The following CDH20 variants were observed in gnomAD, a reference collection of about 807,000 sequenced individuals.
The protein encoded by CDH20 is cadherin 20, also known as cadherin-20.
Under a neutral mutation model 74.2 loss-of-function variants are expected in CDH20, and 29 were observed. The ratio of observed to expected loss-of-function variants is 0.39; its 90% CI spans 0.29 to 0.53. CDH20 has a LOEUF of 0.53. CDH20 is among the 20% of genes least tolerant of loss of function. The pLI, the probability that CDH20 is intolerant of heterozygous loss-of-function variation, is 0.69. For missense variants in CDH20, 988 were observed against 1,048.3 expected, an observed-to-expected ratio of 0.94 and a Z score of 0.79; for synonymous variants, 469 against 405.4, an observed-to-expected ratio of 1.16 and a Z score of -1.88.
At chr18:61,476,095 G>A (rs182777190) in intron 1 of CDH20, among the ~76,000 whole-genome samples, 170 of 152,084 alleles carry the variant, frequency 1.1e-3, no homozygotes, top group African/African-American at 3.7e-3. Flanking sequence ...CTCCCACCCC[G>A]CAGGCTCTTC....
chr18:61,384,882 G>C (rs765032381), intron 1 of CDH20, among the ~76,000 whole-genome samples: 1 of 151,892 alleles, frequency 6.6e-6, no homozygotes, highest in Non-Finnish European at 1.5e-5. Flanking sequence ...ATAAATACAG[G>C]GAATTTCACA....
At chr18:61,457,231 A>G (rs1909601162) in intron 1 of CDH20, among the ~76,000 whole-genome samples, 1 of 152,114 alleles carries the variant, frequency 6.6e-6, no homozygotes, top group Non-Finnish European at 1.5e-5. Context: ...ATAGTTTAAT[A>G]AAATGAGCTC....
chr18:61,383,431 A>G (rs1911499208), intron 1 of CDH20, among the ~76,000 whole-genome samples: 2 of 151,898 alleles, frequency 1.3e-5, no homozygotes, highest in Non-Finnish European at 2.9e-5. Flanking sequence ...AAATACAAAA[A>G]TTAGCCAGGC....
At chr18:61,430,560 C>T (rs575807269) in intron 1 of CDH20, among the ~76,000 whole-genome samples, 1 of 152,106 alleles carries the variant, frequency 6.6e-6, no homozygotes, top group South Asian at 2.1e-4. Context: ...CTCCACATCT[C>T]TGAAAGCAAA....
At chr18:61,448,454 G>A (rs1909271642) in intron 1 of CDH20, among the ~76,000 whole-genome samples, 1 of 152,206 alleles carries the variant, frequency 6.6e-6, no homozygotes, top group South Asian at 2.1e-4. Context: ...CTCACCAGGT[G>A]ATATAGAAAG....
rs1555683442 is a variant in CDH20, at chr18:61,528,240, C to T, written c.1271+20C>T. The T allele has an allele frequency of 1.9e-5, 30 of 1,610,574 alleles. No homozygotes were observed. Among genetic ancestry groups the T allele is most frequent in the Admixed American group, 5.0e-5 (3 of 59,872 alleles). On this transcript the variant is annotated intron_variant, in intron 7 of 11. Coordinates refer to ENST00000262717, the MANE Select transcript of CDH20 (RefSeq NM_031891.4). ...AATCAGGTTTTTCCACAGATTTCAC[C>T]TTTTCCTTATATGCTGGAATCTTCC...
intron 6 of CDH20, among the ~76,000 whole-genome samples, chr18:61,510,978 T>A (rs1367544678): frequency 4.7e-4 from 5 of 10,684 alleles, no homozygotes; most frequent in African/African-American, 2.1e-3. Context: ...CTTTCTTTCT[T>A]TCTTTTTTTT....
chr18:61,422,612 G>A (rs997593219), intron 1 of CDH20, among the ~76,000 whole-genome samples: 1 of 151,940 alleles, frequency 6.6e-6, no homozygotes, highest in Non-Finnish European at 1.5e-5. Flanking sequence ...GTTCAGGGAA[G>A]TATTTTTACT....
intron 7 of CDH20, among the ~76,000 whole-genome samples, chr18:61,533,211 G>T (rs988866610): frequency 6.6e-6 from 1 of 152,196 alleles, no homozygotes; most frequent in Non-Finnish European, 1.5e-5. Flanking sequence ...AGGAGGCTGA[G>T]GCGGAAGGAT....
intron 1 of CDH20, among the ~76,000 whole-genome samples, chr18:61,452,873 T>C (rs1030462501): frequency 3.9e-5 from 6 of 152,188 alleles, no homozygotes; most frequent in African/African-American, 1.2e-4. Context: ...TTCGTGAATA[T>C]CTGATCATTT....
chr18:61,398,161 G>C (rs1029139186), intron 1 of CDH20, among the ~76,000 whole-genome samples: 2 of 152,182 alleles, frequency 1.3e-5, no homozygotes, highest in Admixed American at 1.3e-4. Context: ...GCTGTTTACA[G>C]GTTGCAATGA....
chr18:61,493,183 T>A (rs555472692), intron 2 of CDH20, among the ~76,000 whole-genome samples: 25 of 152,324 alleles, frequency 1.6e-4, no homozygotes, highest in African/African-American at 6.0e-4. Context: ...TATCTCCTTT[T>A]ACCTTCACGT....
At chr18:61,363,790 C>T (rs1230357219) in intron 1 of CDH20, among the ~76,000 whole-genome samples, 1 of 152,174 alleles carries the variant, frequency 6.6e-6, no homozygotes, top group South Asian at 2.1e-4. Flanking sequence ...TAGTAACAGC[C>T]TTTTATTACA....
chr18:61,430,301 T>C (rs1913212707), intron 1 of CDH20, among the ~76,000 whole-genome samples: 1 of 152,124 alleles, frequency 6.6e-6, no homozygotes, highest in Admixed American at 6.6e-5. Flanking sequence ...CCTCAGTAAC[T>C]ACTAGTCAGT....
intron 6 of CDH20, among the ~76,000 whole-genome samples, chr18:61,512,593 G>A (rs145209004): frequency 1.4e-4 from 22 of 152,126 alleles, no homozygotes; most frequent in African/African-American, 5.3e-4. Flanking sequence ...ACTCCATGCC[G>A]CTGTTTCCAT....
chr18:61,545,091 G>C lies in CDH20; in HGVS notation c.1595G>C (p.Ser532Thr). The C allele has an allele frequency of 6.2e-7, 1 of 1,613,990 alleles. No individual in the cohort carries two copies. Among genetic ancestry groups the C allele is most frequent in the Non-Finnish European group, 8.5e-7 (1 of 1,179,948 alleles). The change falls in exon 10 of 12, where the codon AGC (serine) becomes ACC (threonine). Residue 532 changes from serine (S) to threonine (T), a missense_variant. Coordinates refer to ENST00000262717, the MANE Select transcript of CDH20 (RefSeq NM_031891.4). ...CGCAATGGTCAGCATTTCTACTACAGCTTGGCTCCTGAGGCTGCTAACAAC... is the reference window on the plus strand; with the variant it reads ...CGCAATGGTCAGCATTTCTACTACACCTTGGCTCCTGAGGCTGCTAACAAC... ...DPRNGQHFYY[S>T]LAPEAANNPN... is the part of the protein sequence containing the mutation.
rs1284937329 is a variant in CDH20 at position 61,432,912 on chromosome 18, T to G, written c.-152-57490T>G. Among the ~76,000 whole-genome samples, 7 of 152,364 alleles carry G rather than the reference T, an allele frequency of 4.6e-5. No individual in the cohort carries two copies. The South Asian group carries it at 6.2e-4, about 14-fold the overall frequency. Reference sequence around the variant, plus strand: ...CTTTATTTATTATGCAAATAATACATGTTAATTGAAGAAAATTAGAAAACA... The same window carrying G: ...CTTTATTTATTATGCAAATAATACAGGTTAATTGAAGAAAATTAGAAAACA... On this transcript the variant is annotated intron_variant, in intron 1 of 11. Transcript: ENST00000262717.
intron 1 of CDH20, among the ~76,000 whole-genome samples, chr18:61,481,330 C>T (rs530993246): frequency 3.3e-5 from 5 of 152,126 alleles, no homozygotes; most frequent in South Asian, 4.1e-4. Flanking sequence ...AGTATTAGGT[C>T]GTGATAATCT....
intron 1 of CDH20, among the ~76,000 whole-genome samples, chr18:61,352,138 T>A (rs894002956): frequency 1.3e-5 from 2 of 152,200 alleles, no homozygotes; most frequent in Non-Finnish European, 2.9e-5. Flanking sequence ...GAACTTACAG[T>A]ACACATCTTA....
Sources: gnomAD v4.1 joint callset for allele counts (sites outside exome capture counted in the v4.1 genomes callset) on GRCh38, gnomAD v4.1.1 for gene constraint, MANE v1.5 for transcripts, NCBI Gene and HGNC (gene_info 2026-07-23, HGNC 2026-07-21) for gene names.